MTPAP: variants seen among roughly 807,000 people sequenced by gnomAD.
MTPAP encodes mitochondrial poly(A) polymerase, also known as poly(A) RNA polymerase, mitochondrial.
MTPAP carries 23 observed loss-of-function variants against 48.7 expected under a neutral mutation model. That is an observed-to-expected ratio of 0.47 (90% CI 0.34 to 0.67). MTPAP has a LOEUF of 0.67. Ranked by LOEUF, MTPAP falls within the 30% of genes least tolerant of loss-of-function variation. MTPAP has a pLI of 0.01. For synonymous variants in MTPAP, 257 were observed against 254.1 expected (o/e 1.01, Z -0.11); for missense variants, 614 against 694.3 (o/e 0.88, Z 1.30).
chr10:30,314,975 C>T (rs1314085472), intron 8 of MTPAP, among the ~76,000 whole-genome samples: 1 of 150,928 alleles, frequency 6.6e-6, no homozygotes, highest in Admixed American at 6.6e-5. Flanking sequence ...GTCTATATAT[C>T]TTTTCCTCTT....
At chr10:30,337,087 A>G (rs1294283305) in intron 3 of MTPAP, 60 bp from the exon 4 acceptor site, 3 of 1,404,564 alleles carry the variant, frequency 2.1e-6, no homozygotes, top group South Asian at 1.2e-5. Context: ...ATAAAAAGTT[A>G]CCATTTTACT....
chr10:30,341,461 T>C lies in MTPAP; in HGVS notation c.330+7A>G. The stretch of plus-strand genomic sequence containing the variant: ...ACGTTAAGTTAGATTGTTTTTCAAA[T>C]ACTTACAAAGCTTTCATAGAAGAAA... On this transcript the variant is annotated splice_region_variant and intron_variant, in intron 2 of 8. Coordinates refer to ENST00000263063, the MANE Select transcript of MTPAP (RefSeq NM_018109.4). The C allele has an allele frequency of 6.2e-7, 1 of 1,611,848 alleles. No individual in the cohort carries two copies. The highest frequency in any genetic ancestry group is 8.5e-7 in the Non-Finnish European group (1 of 1,178,916).
In MTPAP at chr10:30,340,283, A is replaced by G; in HGVS notation, c.498T>C (p.Ser166=). The G allele has an allele frequency of 6.2e-7, 1 of 1,614,224 alleles. No homozygotes were observed. The highest frequency in any genetic ancestry group is 1.6e-4 in the Middle Eastern group (1 of 6,062). ...QTSERSRVRS[S]NQLPRSNKQL... is the part of the protein sequence containing the mutation. ...GCTTGTTTGAACGTGGCAACTGATT[A>G]CTTGACCGTACGCGTGACCGTTCAG... The change falls in exon 3 of 9, where the codon AGT becomes AGC. Residue 166 remains serine (S), a synonymous_variant. Coordinates refer to ENST00000263063, the MANE Select transcript of MTPAP (RefSeq NM_018109.4).
At chr10:30,314,013 A>C (rs1333503596) in intron 8 of MTPAP, 42 bp from the exon 9 acceptor site, 14 of 1,594,708 alleles carry the variant, frequency 8.8e-6, no homozygotes, top group Non-Finnish European at 1.2e-5. Flanking sequence ...TAAGTACATG[A>C]AGGGCTTAAA....
intron 6 of MTPAP, among the ~76,000 whole-genome samples, chr10:30,318,079 A>C (rs1490406493): frequency 6.6e-6 from 1 of 152,084 alleles, no homozygotes; most frequent in African/African-American, 2.4e-5. Context: ...GGCTGGTCTC[A>C]AACTCCTGAC....
chr10:30,342,840 T>A (rs1834828019), intron 1 of MTPAP, among the ~76,000 whole-genome samples: 1 of 152,106 alleles, frequency 6.6e-6, no homozygotes. Context: ...CATGAAGAGC[T>A]CCCTGATAAT....
chr10:30,323,193 C>T (rs1840746322), intron 5 of MTPAP, among the ~76,000 whole-genome samples: 2 of 149,216 alleles, frequency 1.3e-5, no homozygotes, highest in Admixed American at 1.3e-4. Flanking sequence ...TGGCTCATGC[C>T]TGTAATCCCA....
chr10:30,326,042 G>C (rs999412495), intron 5 of MTPAP, among the ~76,000 whole-genome samples: 10 of 152,108 alleles, frequency 6.6e-5, no homozygotes, highest in African/African-American at 2.4e-4. Context: ...TTCTTAGAAG[G>C]CTTGTACTAT....
chr10:30,322,687 A>G (rs1840739311), intron 5 of MTPAP, 70 bp from the exon 6 acceptor site: 1 of 1,031,866 alleles, frequency 9.7e-7, no homozygotes, highest in South Asian at 1.4e-5. Context: ...ATTAAACTCA[A>G]ACCAAGAAAC....
intron 4 of MTPAP, among the ~76,000 whole-genome samples, chr10:30,329,594 A>G (rs1161348920): frequency 2.0e-5 from 3 of 152,048 alleles, no homozygotes; most frequent in Non-Finnish European, 2.9e-5. Flanking sequence ...AGACTCATCC[A>G]TATTCCTGGC....
At chr10:30,318,850 T>C (rs1453993655) in intron 6 of MTPAP, among the ~76,000 whole-genome samples, 3 of 152,068 alleles carry the variant, frequency 2.0e-5, no homozygotes, top group African/African-American at 4.8e-5. Context: ...CTAGAAAAGC[T>C]TGACAATGCT....
At chr10:30,319,064 C>T (rs1489060843) in intron 6 of MTPAP, among the ~76,000 whole-genome samples, 1 of 140,152 alleles carries the variant, frequency 7.1e-6, no homozygotes, top group Non-Finnish European at 1.5e-5. Context: ...AGCGGGGTGG[C>T]TGGGAGGGGG....
At chr10:30,346,578 T>A (rs910875593) in intron 1 of MTPAP, among the ~76,000 whole-genome samples, 2 of 152,174 alleles carry the variant, frequency 1.3e-5, no homozygotes, top group Non-Finnish European at 2.9e-5. Context: ...ATAGACAGGG[T>A]AGGTATCACT....
rs923766098 is a variant in MTPAP, at chr10:30,337,162, C to T, written c.556-135G>A. The T allele has an allele frequency of 1.6e-5, 13 of 804,348 alleles. No individual in the cohort carries two copies. The African/African-American group carries it at 1.7e-4, about 11-fold the overall frequency. 49.8% of individuals were successfully genotyped at this position (804,348 alleles called of 1,614,324 possible). A position where few individuals can be genotyped will look rare whatever the true frequency, so the allele number is the denominator to read the frequency against. On this transcript the variant is annotated intron_variant, in intron 3 of 8. Transcript: ENST00000263063. ...ATGCAAAGCCTGGCGCAGTGGCTCA[C>T]GCCTGTAATCCCAACATTTTGGGAG...
Position 30,311,196 on chromosome 10 carries a change from A to G in MTPAP, c.*2413T>C, listed in dbSNP as rs1458693546. The G allele has an allele frequency of 1.3e-5, 2 of 152,196 alleles. No individual in the cohort carries two copies. The highest frequency in any genetic ancestry group is 6.5e-5 in the Admixed American group (1 of 15,272). The allele number at this position is 152,196 out of a possible 1,614,324, so 9.4% of individuals were successfully genotyped here. ...TTAAATCAATATGGATTTCTAGCCC[A>G]ACAAAATAAAGAACAAATGAAAAAT... On this transcript the variant is annotated 3_prime_UTR_variant, in exon 9 of 9. Transcript: ENST00000263063.
At chr10:30,321,282 G>C (rs1179030214) in intron 6 of MTPAP, among the ~76,000 whole-genome samples, 2 of 151,644 alleles carry the variant, frequency 1.3e-5, no homozygotes, top group Non-Finnish European at 2.9e-5. Flanking sequence ...ATTTCTTTAG[G>C]CTAGTCAAGT....
chr10:30,323,470 A>AAG (rs1840751321), intron 5 of MTPAP, among the ~76,000 whole-genome samples: 1 of 151,554 alleles, frequency 6.6e-6, no homozygotes, highest in Non-Finnish European at 1.5e-5. Flanking sequence ...AAAAAAAAAA[A>AAG]AAAGAAATAA....
rs1467779812 is a variant in MTPAP at position 30,313,959 on chromosome 10, T to C, written c.1399A>G (p.Asn467Asp). 2 of 1,613,686 alleles carry C rather than the reference T, an allele frequency of 1.2e-6. No individual in the cohort carries two copies. Among genetic ancestry groups the C allele is most frequent in the East Asian group, 4.5e-5 (2 of 44,872 alleles). Residue 467 changes from asparagine to aspartate, a missense_variant, in exon 9 of 9, where the codon AAC becomes GAC. Physicochemically the swap from Asn to Asp is conservative, Grantham distance 23. Around this residue, in one of 5 missense-constraint regions of MTPAP, gnomAD observed 261 missense variants for 355.4 expected, o/e 0.73. Transcript: ENST00000263063. ...SINIRQGREQ[N>D]KPDSSPLYIQ... Reference sequence around the variant, plus strand: ...TACAGAGGAGAAGAATCAGGTTTGTTTTGCTCCCTTCCCTATAGATTATTA... The same window carrying C: ...TACAGAGGAGAAGAATCAGGTTTGTCTTGCTCCCTTCCCTATAGATTATTA...
intron 6 of MTPAP, among the ~76,000 whole-genome samples, chr10:30,316,843 T>G (rs1840668468): frequency 6.6e-6 from 1 of 151,888 alleles, no homozygotes; most frequent in Non-Finnish European, 1.5e-5. Flanking sequence ...TGAGCTGAGA[T>G]CACATCACTG....
Sources: allele counts gnomAD v4.1 joint callset (sites outside exome capture counted in the v4.1 genomes callset), GRCh38; gene constraint gnomAD v4.1.1; regional missense constraint gnomAD v4.1.1; transcripts MANE v1.5; gene names NCBI Gene and HGNC (gene_info 2026-07-23, HGNC 2026-07-21).